AASS: variants seen among roughly 807,000 people sequenced by gnomAD.
AASS encodes alpha-aminoadipic semialdehyde synthase, mitochondrial.
Under a neutral mutation model 105.4 loss-of-function variants are expected in AASS, and 86 were observed. That is an observed-to-expected ratio of 0.82 (90% CI 0.69 to 0.98). AASS has a LOEUF of 0.98. Ranked by LOEUF, AASS falls within the 50% of genes least tolerant of loss-of-function variation. The pLI, the probability that AASS is intolerant of heterozygous loss-of-function variation, is 0.00. For synonymous variants in AASS, 381 were observed against 394.8 expected (o/e 0.96, Z 0.41); for missense variants, 1,048 against 1,143.2 (o/e 0.92, Z 1.20).
chr7:122,128,680 T>C (rs982810233), intron 3 of AASS, among the ~76,000 whole-genome samples: 4 of 152,256 alleles, frequency 2.6e-5, no homozygotes, highest in Non-Finnish European at 5.9e-5. Context: ...CAGCACTGAA[T>C]AGATATTTGT....
At position 122,110,337 on chromosome 7, in the gene AASS, T is replaced by TA. The variant is rs956089861; in HGVS notation, c.1278+2780dup. 3.6e-3 allele frequency among the ~76,000 whole-genome samples: 531 copies of TA among 146,894 alleles called. 2 individuals are homozygous for TA. The highest frequency in any genetic ancestry group is 7.0e-3 in the Middle Eastern group (2 of 284). On this transcript the variant is annotated intron_variant, in intron 11 of 23. Coordinates refer to ENST00000417368, the MANE Select transcript of AASS (RefSeq NM_005763.4). ...ATTAAAGAGTTAATAAGGTTATTAC[T>TA]AAAAAAAAAATGACAATAAAGTTTA... is the stretch of plus-strand genomic sequence containing the variant.
chr7:122,127,043 C>T (rs1378399252), intron 3 of AASS, among the ~76,000 whole-genome samples: 1 of 152,138 alleles, frequency 6.6e-6, no homozygotes, highest in African/African-American at 2.4e-5. Flanking sequence ...AGATATTTTT[C>T]TCTCTCCTCC....
At chr7:122,117,211 T>C (rs796525401) in intron 6 of AASS, among the ~76,000 whole-genome samples, 15 of 152,354 alleles carry the variant, frequency 9.8e-5, no homozygotes, top group African/African-American at 3.6e-4. Flanking sequence ...AGAGTATCGA[T>C]AAGAGTGTTT....
Position 122,077,979 on chromosome 7 carries a change from T to A in AASS, c.2521A>T (p.Ser841Cys), listed in dbSNP as rs747590381. ...EEKDMIVMRD[S>C]FGIRHPSGHL... ...CCAGAAGGATGTCTGATTCCAAAGCTGTCTCTCATCACAATCATATCTTTT... is the reference window on the plus strand; with the variant it reads ...CCAGAAGGATGTCTGATTCCAAAGCAGTCTCTCATCACAATCATATCTTTT... Residue 841 changes from serine to cysteine, a missense_variant, in exon 23 of 24, where the codon AGC (serine) becomes TGC (cysteine). Transcript: ENST00000417368. 12 of 1,614,088 alleles carry A rather than the reference T, an allele frequency of 7.4e-6. No homozygotes were observed. In the African/African-American group the frequency reaches 1.1e-4, roughly 14 times the overall value.
chr7:122,097,719 C>T (rs1206361), intron 15 of AASS, among the ~76,000 whole-genome samples: 15,700 of 151,918 alleles, frequency 0.1, 1,133 homozygotes, highest in African/African-American at 0.2. Context: ...GGTCATAAGG[C>T]TAAATAATCT....
chr7:122,132,658 T>C (rs935774323), intron 2 of AASS, among the ~76,000 whole-genome samples: 3 of 152,212 alleles, frequency 2.0e-5, no homozygotes, highest in Non-Finnish European at 2.9e-5. Flanking sequence ...ATATCACTTA[T>C]GTTGTATTCA....
At chr7:122,091,993 G>T in intron 17 of AASS, 150 bp from the exon 18 acceptor site, 1 of 605,754 alleles carries the variant, frequency 1.7e-6, no homozygotes, top group East Asian at 2.8e-5. Flanking sequence ...CATCTTCAAA[G>T]CATGTACCAT....
chr7:122,074,227 A>G lies in AASS; in HGVS notation c.*2262T>C, dbSNP rs1792898488. The stretch of plus-strand genomic sequence containing the variant: ...TCTCATTTGCATTTCCCTGATGGCT[A>G]GTGATGTTGAGAACCTTTTCATGTG... On this transcript the variant is annotated 3_prime_UTR_variant, in exon 24 of 24. Transcript: ENST00000417368. 2.0e-5 allele frequency among the ~76,000 whole-genome samples: 3 copies of G among 152,246 alleles called. No homozygotes were observed. In the South Asian group the frequency reaches 6.2e-4, roughly 32 times the overall value.
chr7:122,112,176 T>C (rs994788782), intron 11 of AASS, among the ~76,000 whole-genome samples: 3 of 152,208 alleles, frequency 2.0e-5, no homozygotes, highest in Non-Finnish European at 4.4e-5. Context: ...GATTTAATGA[T>C]GGTAAAATGG....
In AASS at chr7:122,107,891, T is replaced by G. The variant is rs145666003; in HGVS notation, c.1278+5227A>C. Among the ~76,000 whole-genome samples the G allele has an allele frequency of 2.2e-3, 324 of 150,038 alleles. 2 individuals are homozygous for G. Among genetic ancestry groups the G allele is most frequent in the African/African-American group, 7.5e-3 (306 of 40,748 alleles). On this transcript the variant is annotated intron_variant, in intron 11 of 23. Transcript: ENST00000417368. ...GCACATGTACCCCTGAACCTAAAAGTTTTTTTTAAGTATGTATTAGCTTCT... is the reference window on the plus strand; with the variant it reads ...GCACATGTACCCCTGAACCTAAAAGGTTTTTTTAAGTATGTATTAGCTTCT...
rs1245139884 is a variant in AASS, at chr7:122,101,661, T to C, written c.1298A>G (p.Gln433Arg). 1 of 1,611,438 alleles carries C rather than the reference T, an allele frequency of 6.2e-7. No homozygotes were observed. Among genetic ancestry groups the C allele is most frequent in the East Asian group, 2.2e-5 (1 of 44,802 alleles). Residue 433 changes from glutamine to arginine, a missense_variant, in exon 12 of 24, where the codon CAG (glutamine) becomes CGG (arginine). Transcript: ENST00000417368. ...VEEMILSDAT[Q>R]PLESQNFSPV... is the part of the protein sequence containing the mutation. Reference sequence around the variant, plus strand: ...AGAAAAATTCTGACTTTCAAGAGGCTGTGTCGCGTCTGATAATATCTGAAA... The same window carrying C: ...AGAAAAATTCTGACTTTCAAGAGGCCGTGTCGCGTCTGATAATATCTGAAA...
chr7:122,113,039 A>G lies in AASS; in HGVS notation c.1278+79T>C. 5.2e-6 allele frequency: 6 copies of G among 1,152,030 alleles called. 1 individual carries two copies. The South Asian group carries it at 7.6e-5, about 15-fold the overall frequency. The allele number at this position is 1,152,030 out of a possible 1,614,324, so 71.4% of individuals were successfully genotyped here. A position where few individuals can be genotyped will look rare whatever the true frequency, so the allele number is the denominator to read the frequency against. On this transcript the variant is annotated intron_variant, in intron 11 of 23. Coordinates refer to ENST00000417368, the MANE Select transcript of AASS (RefSeq NM_005763.4). ...TTACAGCAGATTTCTTAGATACAGAAGACCAGAACATTCACAGAATTACTC... is the reference window on the plus strand; with the variant it reads ...TTACAGCAGATTTCTTAGATACAGAGGACCAGAACATTCACAGAATTACTC...
At chr7:122,082,779 G>A (rs1315826618) in intron 19 of AASS, 1 of 1,266,290 alleles carries the variant, frequency 7.9e-7, no homozygotes, top group East Asian at 5.6e-5. Context: ...CAAAAGAAGG[G>A]GAACTCACAT....
chr7:122,113,047 A>G (rs1269068223), intron 11 of AASS, 71 bp downstream of exon 11: 1 of 1,242,504 alleles, frequency 8.0e-7, no homozygotes, highest in Non-Finnish European at 1.2e-6. Flanking sequence ...GAAGACCAGA[A>G]CATTCACAGA....
chr7:122,132,319 C>T (rs1795952858), intron 2 of AASS, among the ~76,000 whole-genome samples: 1 of 152,044 alleles, frequency 6.6e-6, no homozygotes, highest in African/African-American at 2.4e-5. Flanking sequence ...AAAAGAAAAC[C>T]TCTTTTCTAA....
intron 15 of AASS, among the ~76,000 whole-genome samples, chr7:122,097,266 T>G (rs1253347973): frequency 1.3e-5 from 2 of 152,036 alleles, no homozygotes; most frequent in Admixed American, 6.6e-5. Flanking sequence ...GTAATCACTA[T>G]GAGGGAACAG....
At position 122,113,721 on chromosome 7, in the gene AASS, C is replaced by A; in HGVS notation, c.1044-1G>T. 1 of 1,612,234 alleles carries A rather than the reference C, an allele frequency of 6.2e-7. No individual in the cohort carries two copies. Among genetic ancestry groups the A allele is most frequent in the South Asian group, 1.1e-5 (1 of 91,070 alleles). ...TGAAATGTCACATATTGCCACGAGT[C>A]TGAAAATAACATCAATACTTAGATG... On this transcript the variant is annotated splice_acceptor_variant, in intron 9 of 23. Transcript: ENST00000417368. LOFTEE classifies it high-confidence loss of function.
chr7:122,098,338 A>G, intron 15 of AASS, 112 bp downstream of exon 15: 1 of 1,246,188 alleles, frequency 8.0e-7, no homozygotes, highest in African/African-American at 1.5e-5. Flanking sequence ...CCATACTTCA[A>G]TTAAAAACTT....
At chr7:122,107,425 G>A (rs1219088916) in intron 11 of AASS, among the ~76,000 whole-genome samples, 4 of 152,024 alleles carry the variant, frequency 2.6e-5, no homozygotes. Context: ...CTATCATAAG[G>A]ACACATACAC....
Sources: gnomAD v4.1 joint callset for allele counts (sites outside exome capture counted in the v4.1 genomes callset) on GRCh38, gnomAD v4.1.1 for gene constraint, MANE v1.5 for transcripts, NCBI Gene and HGNC (gene_info 2026-07-23, HGNC 2026-07-21) for gene names.